FAM193B: variants seen among roughly 807,000 people sequenced by gnomAD.
FAM193B encodes the protein protein FAM193B.
A neutral mutation model predicts 70.7 loss-of-function variants in FAM193B; 27 were observed. The ratio of observed to expected loss-of-function variants is 0.38; its 90% confidence interval spans 0.28 to 0.53. FAM193B has a LOEUF of 0.53. FAM193B is among the 20% of genes least tolerant of loss of function. FAM193B has a pLI of 0.81. For missense variants in FAM193B, 1,022 were observed against 1,072.5 expected, an observed-to-expected ratio of 0.95 and a Z score of 0.66; for synonymous variants, 448 against 436.0, an observed-to-expected ratio of 1.03 and a Z score of -0.34.
intron 1 of FAM193B, chr5:177,553,520 A>G: frequency 8.8e-7 from 1 of 1,142,254 alleles, no homozygotes; most frequent in South Asian, 1.8e-5. Flanking sequence ...CTTTGCTCAA[A>G]AGAAAGTGAC....
chr5:177,536,291 AC>A (rs1764150131), intron 4 of FAM193B, 66 bp downstream of exon 4: 8 of 1,531,426 alleles, frequency 5.2e-6, no homozygotes, highest in Non-Finnish European at 7.1e-6. Flanking sequence ...CTCAAAGTTA[AC>A]CCCAAATTTT....
chr5:177,522,348 T>C (rs1157721536), intron 7 of FAM193B, among the ~76,000 whole-genome samples: 2 of 152,150 alleles, frequency 1.3e-5, no homozygotes, highest in Admixed American at 1.3e-4. Context: ...TAGGCTGGCT[T>C]CCGTCATTCC....
At chr5:177,542,037 T>C (rs1056822327) in intron 1 of FAM193B, among the ~76,000 whole-genome samples, 2 of 152,340 alleles carry the variant, frequency 1.3e-5, no homozygotes, top group Non-Finnish European at 2.9e-5. Context: ...CTATCCACAA[T>C]TGGTTGAATC....
intron 1 of FAM193B, among the ~76,000 whole-genome samples, chr5:177,541,552 G>A (rs952410853): frequency 2.6e-5 from 4 of 152,070 alleles, no homozygotes; most frequent in Non-Finnish European, 2.9e-5. Context: ...CCGAGTAGCC[G>A]GGACTACAGG....
At chr5:177,537,764 T>C (rs1461661887) in intron 3 of FAM193B, 109 bp downstream of exon 3, 1 of 1,420,896 alleles carries the variant, frequency 7.0e-7, no homozygotes, top group Non-Finnish European at 9.3e-7. Flanking sequence ...CAGTTCCACT[T>C]TTACTTATTT....
chr5:177,541,370 G>A (rs1235652175), intron 1 of FAM193B, among the ~76,000 whole-genome samples: 7 of 152,016 alleles, frequency 4.6e-5, no homozygotes, highest in South Asian at 2.1e-4. Flanking sequence ...TGCTAGGTTC[G>A]AAAGTCAGTA....
intron 1 of FAM193B, chr5:177,553,488 G>A (rs1043276504): frequency 2.3e-5 from 25 of 1,109,650 alleles, no homozygotes; most frequent in Non-Finnish European, 2.7e-5. Context: ...GTGAACTTTG[G>A]CAGGGTACCT....
chr5:177,528,092 G>T (rs561797201), intron 5 of FAM193B, among the ~76,000 whole-genome samples: 1 of 152,194 alleles, frequency 6.6e-6, no homozygotes, highest in African/African-American at 2.4e-5. Flanking sequence ...GGACGTCAGA[G>T]GGGCAGGCAA....
At chr5:177,523,050 C>T (rs1762012027) in intron 7 of FAM193B, 1 of 181,320 alleles carries the variant, frequency 5.5e-6, no homozygotes, top group South Asian at 7.8e-5. Flanking sequence ...GACGGAGTCT[C>T]GTTCTGTGGC....
At chr5:177,529,903 G>A (rs908990706) in intron 5 of FAM193B, among the ~76,000 whole-genome samples, 3 of 152,294 alleles carry the variant, frequency 2.0e-5, no homozygotes, top group East Asian at 1.9e-4. Flanking sequence ...AGAAGGCAGC[G>A]GTGGGACCCC....
At chr5:177,549,089 G>C (rs1348529080) in intron 1 of FAM193B, among the ~76,000 whole-genome samples, 1 of 151,774 alleles carries the variant, frequency 6.6e-6, no homozygotes, top group Non-Finnish European at 1.5e-5. Flanking sequence ...GGGCAACCCT[G>C]ACACCAAATA....
At chr5:177,546,739 C>G (rs1221706883) in intron 1 of FAM193B, among the ~76,000 whole-genome samples, 1 of 152,204 alleles carries the variant, frequency 6.6e-6, no homozygotes, top group East Asian at 1.9e-4. Flanking sequence ...TTTCACACTA[C>G]GAGACTAGTC....
chr5:177,548,882 A>G (rs2127490517), intron 1 of FAM193B, among the ~76,000 whole-genome samples: 1 of 152,320 alleles, frequency 6.6e-6, no homozygotes, highest in Middle Eastern at 3.4e-3. Context: ...TGTGGTTTTC[A>G]AGAACCCTGC....
chr5:177,530,198 C>G (rs1406036368), intron 5 of FAM193B, among the ~76,000 whole-genome samples: 2 of 152,200 alleles, frequency 1.3e-5, no homozygotes, highest in Non-Finnish European at 2.9e-5. Context: ...GAATAGATCA[C>G]CAGGTTCTGT....
chr5:177,546,257 A>G (rs1269525780), intron 1 of FAM193B, among the ~76,000 whole-genome samples: 1 of 152,234 alleles, frequency 6.6e-6, no homozygotes, highest in African/African-American at 2.4e-5. Context: ...TGGTCAAGCT[A>G]AGCACAACTG....
intron 8 of FAM193B, among the ~76,000 whole-genome samples, chr5:177,521,034 GC>G (rs1761649681): frequency 6.6e-6 from 1 of 152,168 alleles, no homozygotes; most frequent in Non-Finnish European, 1.5e-5. Context: ...AGCTGGCCTG[GC>G]ACTGGAAAGA....
At chr5:177,546,481 T>G (rs183319755) in intron 1 of FAM193B, among the ~76,000 whole-genome samples, 164 of 152,374 alleles carry the variant, frequency 1.1e-3, no homozygotes, top group African/African-American at 3.8e-3. Flanking sequence ...ATGTCTCAGC[T>G]GTTCAACACA....
chr5:177,553,879 T>C (rs1333876123), intron 1 of FAM193B: 1 of 1,239,456 alleles, frequency 8.1e-7, no homozygotes, highest in Non-Finnish European at 1.0e-6. Context: ...AGCCCCGAGA[T>C]GGCCTGTGGC....
In FAM193B at chr5:177,532,719, A is replaced by G. The variant is rs971145780; in HGVS notation, c.1077-78T>C. 1.8e-5 allele frequency: 24 copies of G among 1,348,962 alleles called. No homozygotes were observed. The African/African-American group carries it at 3.4e-4, about 19-fold the overall frequency. 83.6% of individuals were successfully genotyped at this position (1,348,962 alleles called of 1,614,324 possible). The stretch of plus-strand genomic sequence containing the variant: ...GGAAGCATCCCAACCACCACCTGCC[A>G]TCCTGACCGCCCTTCACTTGCCCCA... On this transcript the variant is annotated intron_variant, in intron 4 of 8. Transcript: ENST00000514747. This position sits in a 1 kb window ranked among gnomAD's most constrained non-coding sequence, Gnocchi z 4.9.
Sources: gnomAD v4.1 joint callset for allele counts (sites outside exome capture counted in the v4.1 genomes callset) on GRCh38, gnomAD v4.1.1 for gene constraint, Gnocchi (gnomAD v3.1) non-coding constraint, MANE v1.5 for transcripts, NCBI Gene and HGNC (gene_info 2026-07-23, HGNC 2026-07-21) for gene names.